Variants in PLCB1 observed in about 807,000 individuals in gnomAD.
PLCB1 encodes the protein phospholipase C beta 1, also known as 1-phosphatidylinositol 4,5-bisphosphate phosphodiesterase beta-1.
A neutral mutation model predicts 161.8 loss-of-function variants in PLCB1; 46 were observed. The observed-to-expected ratio is 0.28, with a 90% CI of 0.22 to 0.36. The LOEUF (loss-of-function observed/expected upper bound fraction) is 0.36, where lower values mean the gene tolerates loss of function less well. PLCB1 is among the 10% of genes least tolerant of loss of function. The pLI, the probability that PLCB1 is intolerant of heterozygous loss-of-function variation, is 1.00. For synonymous variants in PLCB1, 517 were observed against 503.7 expected (o/e 1.03, Z -0.35); for missense variants, 1,016 against 1,472.5 (o/e 0.69, Z 5.07).
intron 31 of PLCB1, among the ~76,000 whole-genome samples, chr20:8,828,003 G>T (rs545150542): frequency 6.6e-6 from 1 of 152,250 alleles, no homozygotes; most frequent in South Asian, 2.1e-4. Flanking sequence ...GTTAACTCTT[G>T]AGCTAAAGGG....
At chr20:8,630,245 C>A (rs1988544987) in intron 4 of PLCB1, among the ~76,000 whole-genome samples, 1 of 151,912 alleles carries the variant, frequency 6.6e-6, no homozygotes, top group Non-Finnish European at 1.5e-5. Context: ...TGCCACCATG[C>A]CCAGCTAATT....
chr20:8,405,025 C>T (rs948679862), intron 3 of PLCB1, among the ~76,000 whole-genome samples: 1 of 152,190 alleles, frequency 6.6e-6, no homozygotes, highest in African/African-American at 2.4e-5. Context: ...AATGATGACT[C>T]TTTCAGTTCT....
At position 8,610,004 on chromosome 20, in the gene PLCB1, G is replaced by A. The variant is rs150685063; in HGVS notation, c.247-18290G>A. On this transcript the variant is annotated intron_variant, in intron 3 of 31. Transcript: ENST00000338037. Reference sequence around the variant, plus strand: ...AAAATGAGCATCAGTATATAATTTTGGAATGTTTTCATCACTCCAAAAAGA... The same window carrying A: ...AAAATGAGCATCAGTATATAATTTTAGAATGTTTTCATCACTCCAAAAAGA... Among the ~76,000 whole-genome samples, 1,143 of 152,070 alleles carry A rather than the reference G, an allele frequency of 7.5e-3. 19 individuals carry two copies. The highest frequency in any genetic ancestry group is 0.027 in the African/African-American group (1,100 of 41,502).
intron 18 of PLCB1, chr20:8,732,259 A>G (rs1315328076): frequency 6.6e-6 from 1 of 152,098 alleles, no homozygotes; most frequent in East Asian, 1.9e-4. Context: ...TCCTCTTTTA[A>G]TGAGGCATGG....
chr20:8,456,402 G>A (rs1453795140), intron 3 of PLCB1, among the ~76,000 whole-genome samples: 1 of 152,148 alleles, frequency 6.6e-6, no homozygotes, highest in South Asian at 2.1e-4. Context: ...ATTTTTCATT[G>A]AGAAGTGAAA....
intron 18 of PLCB1, 121 bp from the exon 19 acceptor site, chr20:8,733,117 G>A: frequency 1.0e-6 from 1 of 964,706 alleles, no homozygotes; most frequent in Non-Finnish European, 1.6e-6. Context: ...TTTCTACAAT[G>A]ACTCTCTTCC....
intron 2 of PLCB1, among the ~76,000 whole-genome samples, chr20:8,239,524 T>C (rs546729034): frequency 4.7e-4 from 71 of 152,050 alleles, no homozygotes; most frequent in African/African-American, 1.7e-3. Context: ...GTTTTGTCTC[T>C]AGTAAATTGC....
chr20:8,395,830 C>A (rs912981429), intron 3 of PLCB1, among the ~76,000 whole-genome samples: 2 of 150,992 alleles, frequency 1.3e-5, no homozygotes, highest in African/African-American at 4.9e-5. Flanking sequence ...AAAAAAAAAA[C>A]AAATTGTTAT....
At chr20:8,775,274 T>G (rs1982890333) in intron 27 of PLCB1, among the ~76,000 whole-genome samples, 1 of 152,208 alleles carries the variant, frequency 6.6e-6, no homozygotes, top group Admixed American at 6.5e-5. Context: ...CAAAATGTTT[T>G]CTCACGAATT....
In PLCB1 at chr20:8,766,952, T is replaced by C. The variant is rs73083919; in HGVS notation, c.2930+1594T>C. 8.9e-3 allele frequency among the ~76,000 whole-genome samples: 1,356 copies of C among 152,232 alleles called. 11 individuals are homozygous for C. The highest frequency in any genetic ancestry group is 0.014 in the Non-Finnish European group (977 of 68,006). On this transcript the variant is annotated intron_variant, in intron 26 of 31. Coordinates refer to ENST00000338037, the MANE Select transcript of PLCB1 (RefSeq NM_015192.4). ...ATGGTGGTTTGGTCTAGGATGACGC[T>C]GGTAGACATGGAGAGAAGGGGATGA... is the stretch of plus-strand genomic sequence containing the variant.
Position 8,733,311 on chromosome 20 carries a change from C to T in PLCB1, c.1962C>T (p.Phe654=), listed in dbSNP as rs747774959. ...GTGGCTACAGATTGAAGCCAGAGTT[C>T]ATGAGGAGGCCTGACAAGCATTTTG... ...GKSGYRLKPE[F]MRRPDKHFDP... Residue 654 remains phenylalanine (F), a synonymous_variant, in exon 19 of 32, where the codon TTC becomes TTT. Coordinates refer to ENST00000338037, the MANE Select transcript of PLCB1 (RefSeq NM_015192.4). 5.6e-6 allele frequency: 9 copies of T among 1,613,684 alleles called. No homozygotes were observed. Among genetic ancestry groups the T allele is most frequent in the Non-Finnish European group, 6.8e-6 (8 of 1,179,798 alleles).
chr20:8,511,889 A>G (rs1444528937), intron 3 of PLCB1, among the ~76,000 whole-genome samples: 2 of 152,140 alleles, frequency 1.3e-5, no homozygotes, highest in Non-Finnish European at 2.9e-5. Flanking sequence ...GTTTTCTGCT[A>G]TAAGATTGTT....
intron 2 of PLCB1, among the ~76,000 whole-genome samples, chr20:8,268,109 C>T (rs1982074321): frequency 6.6e-6 from 1 of 152,016 alleles, no homozygotes; most frequent in Non-Finnish European, 1.5e-5. Context: ...AATGCTATCC[C>T]TCCCCTCTCC....
chr20:8,680,110 A>G (rs1990179032), intron 9 of PLCB1, among the ~76,000 whole-genome samples: 1 of 152,164 alleles, frequency 6.6e-6, no homozygotes, highest in African/African-American at 2.4e-5. Context: ...TAGAAAAGCA[A>G]TGTGTTTTGT....
chr20:8,240,638 G>A (rs1358756247), intron 2 of PLCB1, among the ~76,000 whole-genome samples: 1 of 151,948 alleles, frequency 6.6e-6, no homozygotes, highest in African/African-American at 2.4e-5. Flanking sequence ...TACATTTTAA[G>A]TGGCATTGCC....
chr20:8,856,565 C>T (rs6133631), intron 31 of PLCB1, among the ~76,000 whole-genome samples: 3 of 151,726 alleles, frequency 2.0e-5, no homozygotes, highest in South Asian at 4.2e-4. Context: ...TACAGTGAGC[C>T]GAGATCACAC....
intron 31 of PLCB1, among the ~76,000 whole-genome samples, chr20:8,822,620 G>A (rs892757781): frequency 3.3e-5 from 5 of 152,168 alleles, no homozygotes; most frequent in Admixed American, 2.6e-4. Flanking sequence ...CAATGCCAGA[G>A]TTTCCACGAG....
In PLCB1 at chr20:8,371,534, A is replaced by T; in HGVS notation, c.246+84A>T. ...CAATATCAATTAATTGCCCCAATTA[A>T]AAGTTTCTATGTTATAGATGTTGTA... On this transcript the variant is annotated intron_variant, in intron 3 of 31. Transcript: ENST00000338037. The T allele has an allele frequency of 5.4e-6, 5 of 928,736 alleles. No homozygotes were observed. The Admixed American group carries it at 1.0e-4, about 19-fold the overall frequency. The allele number at this position is 928,736 out of a possible 1,614,324, so 57.5% of individuals were successfully genotyped here. A position where few individuals can be genotyped will look rare whatever the true frequency, so the allele number is the denominator to read the frequency against.
chr20:8,669,321 A>G (rs1989889964), intron 9 of PLCB1, among the ~76,000 whole-genome samples: 2 of 152,226 alleles, frequency 1.3e-5, no homozygotes, highest in Admixed American at 6.5e-5. Context: ...TTGCCATGGT[A>G]CATTTTTCAG....
Sources: gnomAD v4.1 joint callset for allele counts (sites outside exome capture counted in the v4.1 genomes callset) on GRCh38, gnomAD v4.1.1 for gene constraint, MANE v1.5 for transcripts, NCBI Gene and HGNC (gene_info 2026-07-23, HGNC 2026-07-21) for gene names.